TRIB3: variants seen among roughly 807,000 people sequenced by gnomAD.
The protein encoded by TRIB3 is tribbles pseudokinase 3.
TRIB3 carries 20 observed loss-of-function variants against 16.6 expected under a neutral mutation model. The observed-to-expected ratio is 1.20, with a 90% CI of 0.85 to 1.75. The LOEUF (loss-of-function observed/expected upper bound fraction) is 1.75, where lower values mean the gene tolerates loss of function less well. Ranked by LOEUF, TRIB3 falls within the 40% of genes most tolerant of loss-of-function variation. The probability of loss-of-function intolerance (pLI) is 0.00; values close to 1 mark genes in which losing one functional copy is unlikely to be tolerated. For missense variants in TRIB3, 484 were observed against 488.9 expected, an observed-to-expected ratio of 0.99 and a Z score of 0.10; for synonymous variants, 208 against 217.0, an observed-to-expected ratio of 0.96 and a Z score of 0.36.
In TRIB3 at chr20:388,326, C is replaced by T. The variant is rs1353121365; in HGVS notation, c.291+25C>T. The T allele has an allele frequency of 3.8e-6, 6 of 1,578,466 alleles. 1 individual carries two copies. Among genetic ancestry groups the T allele is most frequent in the South Asian group, 3.4e-5 (3 of 88,488 alleles). ...GGTACGTGCCCATGGGCGGCTGTCC[C>T]CCAGCACCACAGGAGGCCTGGGAAG... On this transcript the variant is annotated intron_variant, in intron 2 of 3. Transcript: ENST00000217233.
chr20:390,322 C>G (rs2014937272), intron 2 of TRIB3, among the ~76,000 whole-genome samples: 1 of 148,992 alleles, frequency 6.7e-6, no homozygotes, highest in Non-Finnish European at 1.5e-5. Flanking sequence ...GAGCAAAACT[C>G]CGTCTCAAAA....
chr20:388,310 C>T lies in TRIB3; in HGVS notation c.291+9C>T, dbSNP rs2014881932. 6.3e-7 allele frequency: 1 copy of T among 1,589,810 alleles called. No homozygotes were observed. Among genetic ancestry groups the T allele is most frequent in the African/African-American group, 1.3e-5 (1 of 74,390 alleles). ...CTGAGTATACCTGCAAGGTACGTGC[C>T]CATGGGCGGCTGTCCCCCAGCACCA... On this transcript the variant is annotated intron_variant, in intron 2 of 3. Transcript: ENST00000217233.
At chr20:387,213 GAA>G (rs2014842575) in intron 1 of TRIB3, among the ~76,000 whole-genome samples, 2 of 151,674 alleles carry the variant, frequency 1.3e-5, no homozygotes, top group African/African-American at 4.8e-5. Flanking sequence ...TCTCTACAAA[GAA>G]TAAAAAAAAA....
intron 1 of TRIB3, chr20:382,769 A>G (rs972565197): frequency 4.6e-6 from 3 of 657,010 alleles, no homozygotes; most frequent in Admixed American, 2.3e-5. Context: ...CCAGCTAGAA[A>G]GGGTTTGAGA....
At chr20:387,279 G>A (rs777795638) in intron 1 of TRIB3, among the ~76,000 whole-genome samples, 16 of 152,134 alleles carry the variant, frequency 1.1e-4, no homozygotes, top group Non-Finnish European at 2.1e-4. Flanking sequence ...GGAGGCTGAG[G>A]TGGAAGAATC....
In TRIB3 at chr20:387,969, C is replaced by A. The variant is rs769256989; in HGVS notation, c.1-42C>A. ...CACCAGCAGGGGAAAGGAGGGGCCA[C>A]CAAGCAGTCTCACTTTAGTGCTTTT... On this transcript the variant is annotated intron_variant, in intron 1 of 3. Transcript: ENST00000217233. 4.4e-6 allele frequency: 7 copies of A among 1,584,316 alleles called. No individual in the cohort carries two copies. The Admixed American group carries it at 6.8e-5, about 15-fold the overall frequency.
At chr20:390,500 C>T (rs1211832453) in intron 2 of TRIB3, among the ~76,000 whole-genome samples, 1 of 152,176 alleles carries the variant, frequency 6.6e-6, no homozygotes, top group Non-Finnish European at 1.5e-5. Context: ...ATGTGGCTGG[C>T]CCGTGCAGGC....
chr20:381,742 T>TG (rs11482865), intron 1 of TRIB3, among the ~76,000 whole-genome samples: 58,217 of 151,636 alleles, frequency 0.38, 11,322 homozygotes, highest in Admixed American at 0.45. Flanking sequence ...TGGGGTGCCC[T>TG]GGAGCGGGGG....
In TRIB3 at chr20:391,328, T is replaced by G. The variant is rs6051637; in HGVS notation, c.333T>G (p.Tyr111Ter). 1.9e-6 allele frequency: 3 copies of G among 1,612,950 alleles called. No individual in the cohort carries two copies. The highest frequency in any genetic ancestry group is 2.2e-5 in the East Asian group (1 of 44,890). ...VQEALAVLEP[Y>*]ARLPPHKHVA... is the part of the protein sequence containing the mutation. Reference sequence around the variant, plus strand: ...AAGCCCTGGCCGTGCTGGAGCCCTATGCGCGGCTGCCCCCGCACAAGCATG... The same window carrying G: ...AAGCCCTGGCCGTGCTGGAGCCCTAGGCGCGGCTGCCCCCGCACAAGCATG... The change falls in exon 3 of 4, where the codon TAT (tyrosine) becomes TAG (stop). Residue 111 changes from tyrosine (Y) to a stop codon, truncating the protein, a stop_gained. Coordinates refer to ENST00000217233, the MANE Select transcript of TRIB3 (RefSeq NM_021158.5). LOFTEE classifies it high-confidence loss of function.
chr20:388,228 T>A lies in TRIB3; in HGVS notation c.218T>A (p.Leu73His). The A allele has an allele frequency of 6.2e-7, 1 of 1,613,786 alleles. No homozygotes were observed. The highest frequency in any genetic ancestry group is 1.3e-5 in the African/African-American group (1 of 75,068). ...GCCTCCCGTCTTGGGCCCTATGTCC[T>A]CCTGGAGCCCGAGGAGGGCGGGCGG... is the stretch of plus-strand genomic sequence containing the variant. The part of the protein sequence containing the change: ...ATASRLGPYV[L>H]LEPEEGGRAY... Residue 73 changes from leucine to histidine, a missense_variant, in exon 2 of 4, where the codon CTC becomes CAC. By Grantham distance (99) the Leu-to-His change is moderately conservative (BLOSUM62 -3). Transcript: ENST00000217233.
At chr20:381,423 C>A (rs7260693) in intron 1 of TRIB3, 2,270 of 153,020 alleles carry the variant, frequency 0.015, 56 homozygotes, top group African/African-American at 0.051. Context: ...TGGGGTCGCC[C>A]GAGTTGGGCT....
intron 3 of TRIB3, among the ~76,000 whole-genome samples, chr20:392,746 CG>C (rs1302957230): frequency 7.9e-5 from 12 of 151,922 alleles, no homozygotes; most frequent in Admixed American, 1.3e-4. Context: ...TTAGTAGAAA[CG>C]GGGTTTTGCC....
chr20:386,851 C>G (rs2014827615), intron 1 of TRIB3, among the ~76,000 whole-genome samples: 1 of 151,568 alleles, frequency 6.6e-6, no homozygotes, highest in South Asian at 2.1e-4. Flanking sequence ...GTGGGCTGCA[C>G]TTTGGCATTG....
intron 1 of TRIB3, among the ~76,000 whole-genome samples, chr20:384,409 G>C (rs2014740671): frequency 6.6e-6 from 1 of 152,124 alleles, no homozygotes. Context: ...CTGTCCCCAG[G>C]CTGGAGTGCA....
intron 1 of TRIB3, among the ~76,000 whole-genome samples, chr20:386,103 G>T (rs1165403963): frequency 2.0e-5 from 3 of 152,024 alleles, no homozygotes; most frequent in African/African-American, 7.3e-5. Context: ...GGTTCAAGCA[G>T]TCTTCCCACC....
chr20:382,375 C>T, intron 1 of TRIB3: 1 of 672,296 alleles, frequency 1.5e-6, no homozygotes, highest in Non-Finnish European at 2.5e-6. Context: ...GCCAAGGCAG[C>T]CTGGACTACT....
At chr20:386,570 G>C (rs767880410) in intron 1 of TRIB3, among the ~76,000 whole-genome samples, 2 of 151,868 alleles carry the variant, frequency 1.3e-5, no homozygotes, top group Admixed American at 6.6e-5. Context: ...CACCACGCCC[G>C]GCTAATTTTT....
chr20:392,821 G>C (rs536798846), intron 3 of TRIB3, among the ~76,000 whole-genome samples: 1 of 152,174 alleles, frequency 6.6e-6, no homozygotes, highest in African/African-American at 2.4e-5. Flanking sequence ...GCCTCCCAAA[G>C]TGCTGGGATT....
At chr20:389,890 C>G (rs1182531661) in intron 2 of TRIB3, among the ~76,000 whole-genome samples, 1 of 152,164 alleles carries the variant, frequency 6.6e-6, no homozygotes, top group Admixed American at 6.5e-5. Flanking sequence ...TGTAAATGAT[C>G]AACTTATTCA....
Sources: allele counts gnomAD v4.1 joint callset (sites outside exome capture counted in the v4.1 genomes callset), GRCh38; gene constraint gnomAD v4.1.1; transcripts MANE v1.5; gene names NCBI Gene and HGNC (gene_info 2026-07-23, HGNC 2026-07-21).